TMPRSS15: variants seen among roughly 807,000 people sequenced by gnomAD.
TMPRSS15 encodes the protein transmembrane serine protease 15.
Under a neutral mutation model 125.3 loss-of-function variants are expected in TMPRSS15, and 128 were observed. The ratio of observed to expected loss-of-function variants is 1.02; its 90% CI spans 0.89 to 1.18. The LOEUF (loss-of-function observed/expected upper bound fraction) is 1.18, where lower values mean the gene tolerates loss of function less well. Ranked by LOEUF, TMPRSS15 falls within the 50% of genes most tolerant of loss-of-function variation. The pLI, the probability that TMPRSS15 is intolerant of heterozygous loss-of-function variation, is 0.00. For missense variants in TMPRSS15, 1,283 were observed against 1,212.7 expected (o/e 1.06, Z -0.86); for synonymous variants, 446 against 423.2 (o/e 1.05, Z -0.66).
intron 22 of TMPRSS15, among the ~76,000 whole-genome samples, chr21:18,280,589 A>C (rs1354823440): frequency 4.1e-5 from 6 of 147,282 alleles, no homozygotes; most frequent in Non-Finnish European, 7.4e-5. Flanking sequence ...AAAAAAAAAA[A>C]AAAAAACAAC....
chr21:18,299,495 G>A (rs2074941366), intron 18 of TMPRSS15, among the ~76,000 whole-genome samples: 1 of 152,188 alleles, frequency 6.6e-6, no homozygotes, highest in East Asian at 1.9e-4. Flanking sequence ...GGTTTTAGTT[G>A]TGTTTTGCTG....
intron 17 of TMPRSS15, among the ~76,000 whole-genome samples, chr21:18,314,266 A>G (rs1055607294): frequency 7.9e-5 from 12 of 152,102 alleles, no homozygotes; most frequent in Admixed American, 6.6e-4. Context: ...CCTCATGGGT[A>G]AACTATAGCC....
intron 19 of TMPRSS15, among the ~76,000 whole-genome samples, chr21:18,296,555 G>A (rs1279923642): frequency 2.6e-5 from 4 of 152,112 alleles, no homozygotes; most frequent in South Asian, 2.1e-4. Context: ...CTGGCATTTC[G>A]TTGATAAGCA....
At chr21:18,447,534 C>A (rs894181943) in intron 1 of TMPRSS15, among the ~76,000 whole-genome samples, 2 of 151,876 alleles carry the variant, frequency 1.3e-5, no homozygotes, top group African/African-American at 4.8e-5. Flanking sequence ...TGTCCCCACC[C>A]AAATTTCATC....
At chr21:18,434,727 C>A (rs2076224153) in intron 1 of TMPRSS15, among the ~76,000 whole-genome samples, 1 of 151,850 alleles carries the variant, frequency 6.6e-6, no homozygotes, top group Non-Finnish European at 1.5e-5. Flanking sequence ...CATCTTAATC[C>A]ATCCAATGTT....
At chr21:18,422,049 C>T (rs2076193225) in intron 1 of TMPRSS15, among the ~76,000 whole-genome samples, 1 of 149,412 alleles carries the variant, frequency 6.7e-6, no homozygotes, top group Non-Finnish European at 1.5e-5. Flanking sequence ...AGTGGCATGA[C>T]CTAGGCTCAC....
In TMPRSS15 at chr21:18,315,251, A is replaced by T. The variant is rs1193486334; in HGVS notation, c.1927T>A (p.Cys643Ser). 1 of 1,610,662 alleles carries T rather than the reference A, an allele frequency of 6.2e-7. No homozygotes were observed. Among genetic ancestry groups the T allele is most frequent in the East Asian group, 2.2e-5 (1 of 44,850 alleles). ...TTACATTGAAAATGGTCTGCCTTGCATGGCTCTATGGGGAAAGAATGTTTA... is the reference window on the plus strand; with the variant it reads ...TTACATTGAAAATGGTCTGCCTTGCTTGGCTCTATGGGGAAAGAATGTTTA... ...TGYHLGIPEP[C>S]KADHFQCKNG... Residue 643 changes from cysteine to serine, a missense_variant, in exon 17 of 25, where the codon TGC becomes AGC. Physicochemically the swap from Cys to Ser is moderately radical, Grantham distance 112 (BLOSUM62 -1). Coordinates refer to ENST00000284885, the MANE Select transcript of TMPRSS15 (RefSeq NM_002772.3).
chr21:18,435,225 G>A (rs1002517693), intron 1 of TMPRSS15, among the ~76,000 whole-genome samples: 1 of 152,144 alleles, frequency 6.6e-6, no homozygotes, highest in African/African-American at 2.4e-5. Flanking sequence ...CAAAGGGAAT[G>A]CTTCCAGTTT....
At chr21:18,360,929 G>C (rs2075674166) in intron 7 of TMPRSS15, among the ~76,000 whole-genome samples, 1 of 151,980 alleles carries the variant, frequency 6.6e-6, no homozygotes, top group African/African-American at 2.4e-5. Flanking sequence ...ATACCATCAA[G>C]ATGACAGCTA....
At chr21:18,452,869 C>T (rs948886925) in intron 1 of TMPRSS15, among the ~76,000 whole-genome samples, 4 of 152,112 alleles carry the variant, frequency 2.6e-5, no homozygotes, top group Non-Finnish European at 5.9e-5. Flanking sequence ...TCTGTGGTAA[C>T]ATTATCAAAA....
chr21:18,280,092 A>G (rs1336084771), intron 22 of TMPRSS15, among the ~76,000 whole-genome samples: 1 of 152,210 alleles, frequency 6.6e-6, no homozygotes, highest in East Asian at 1.9e-4. Context: ...AAACCCCATG[A>G]AAACACAGAG....
chr21:18,392,786 C>T (rs1005587504), intron 3 of TMPRSS15, among the ~76,000 whole-genome samples: 1 of 152,116 alleles, frequency 6.6e-6, no homozygotes, highest in Non-Finnish European at 1.5e-5. Flanking sequence ...AAAATCATGG[C>T]AGAAGGTGAA....
intron 16 of TMPRSS15, among the ~76,000 whole-genome samples, chr21:18,323,174 T>C (rs1207566584): frequency 6.6e-6 from 1 of 152,196 alleles, no homozygotes; most frequent in Admixed American, 6.5e-5. Flanking sequence ...TTCTTAAAAA[T>C]TTTGTTTCAA....
chr21:18,419,855 C>T (rs1313731053), intron 1 of TMPRSS15, among the ~76,000 whole-genome samples: 1 of 152,070 alleles, frequency 6.6e-6, no homozygotes, highest in Non-Finnish European at 1.5e-5. Flanking sequence ...TCTTTTTTCC[C>T]CCTTCTACCA....
chr21:18,392,615 T>G (rs1047313493), intron 3 of TMPRSS15, among the ~76,000 whole-genome samples: 1 of 152,170 alleles, frequency 6.6e-6, no homozygotes, highest in Admixed American at 6.5e-5. Context: ...CAATGTCACT[T>G]CCACATTTTC....
intron 10 of TMPRSS15, among the ~76,000 whole-genome samples, chr21:18,351,957 T>C (rs901297494): frequency 1.3e-5 from 2 of 152,116 alleles, no homozygotes; most frequent in Non-Finnish European, 2.9e-5. Context: ...CCTAGAACCA[T>C]AGCTGGTTAG....
intron 10 of TMPRSS15, among the ~76,000 whole-genome samples, chr21:18,345,553 A>G (rs928454210): frequency 2.7e-5 from 4 of 149,778 alleles, no homozygotes; most frequent in African/African-American, 9.8e-5. Flanking sequence ...CATCCTGGCT[A>G]ACACGGCGAA....
intron 18 of TMPRSS15, among the ~76,000 whole-genome samples, chr21:18,302,000 C>T (rs1232861005): frequency 6.6e-6 from 1 of 152,170 alleles, no homozygotes; most frequent in Non-Finnish European, 1.5e-5. Context: ...AAATCTTCTG[C>T]TCTGTTCTTA....
At chr21:18,321,146 G>A (rs1601330991) in intron 16 of TMPRSS15, among the ~76,000 whole-genome samples, 4 of 151,878 alleles carry the variant, frequency 2.6e-5, no homozygotes, top group Admixed American at 2.6e-4. Context: ...AGGAATAAGG[G>A]GACATTTATA....
Sources: allele counts gnomAD v4.1 joint callset (sites outside exome capture counted in the v4.1 genomes callset), GRCh38; gene constraint gnomAD v4.1.1; transcripts MANE v1.5; gene names NCBI Gene and HGNC (gene_info 2026-07-23, HGNC 2026-07-21).